Variants in CSNK2A2IP observed in about 807,000 individuals in gnomAD.
CSNK2A2IP encodes casein kinase 2 subunit alpha' interacting protein.
chr3:88,388,810 A>C, the CSNK2A2IP span, among the ~76,000 whole-genome samples: 11 of 152,176 alleles, frequency 7.2e-5, no homozygotes. Context: ...CTGTTTAGCC[A>C]CAATGAGGTC....
chr3:88,438,572 C>T, the CSNK2A2IP span, among the ~76,000 whole-genome samples: 93 of 152,238 alleles, frequency 6.1e-4, no homozygotes, highest in Non-Finnish European at 9.7e-4. Context: ...AGGGGTTCTG[C>T]CTTATACCTA....
chr3:88,339,821 G>A, the CSNK2A2IP span, among the ~76,000 whole-genome samples: 1 of 152,170 alleles, frequency 6.6e-6, no homozygotes, highest in South Asian at 2.1e-4. Context: ...CAGCAATTAT[G>A]GGGGTGAGAA....
At chr3:88,415,377 G>A in the CSNK2A2IP span, among the ~76,000 whole-genome samples, 1 of 152,040 alleles carries the variant, frequency 6.6e-6, no homozygotes, top group Non-Finnish European at 1.5e-5. Context: ...TTCAGAAGAA[G>A]CAATCTGCAG....
At chr3:88,346,481 T>G in the CSNK2A2IP span, among the ~76,000 whole-genome samples, 1 of 151,944 alleles carries the variant, frequency 6.6e-6, no homozygotes, top group African/African-American at 2.4e-5. Context: ...GCTGGTGACC[T>G]TCGGTGGAGC....
chr3:88,436,427 A>G, the CSNK2A2IP span, among the ~76,000 whole-genome samples: 2 of 152,082 alleles, frequency 1.3e-5, no homozygotes, highest in African/African-American at 2.4e-5. Flanking sequence ...TTTTTTTTGT[A>G]AGAAATGTCT....
chr3:88,340,380 A>T, the CSNK2A2IP span, among the ~76,000 whole-genome samples: 2 of 152,038 alleles, frequency 1.3e-5, no homozygotes, highest in Non-Finnish European at 2.9e-5. Flanking sequence ...AATTGCCTGT[A>T]GTTTATGTAC....
At chr3:88,373,603 T>TAA in the CSNK2A2IP span, among the ~76,000 whole-genome samples, 1 of 143,696 alleles carries the variant, frequency 7.0e-6, no homozygotes, top group African/African-American at 2.6e-5. Flanking sequence ...GTAATGAAAG[T>TAA]AAAAAAAAAA....
chr3:88,389,574 T>C, the CSNK2A2IP span, among the ~76,000 whole-genome samples: 1 of 152,158 alleles, frequency 6.6e-6, no homozygotes, highest in Non-Finnish European at 1.5e-5. Flanking sequence ...TCTGACATAG[T>C]TTTAAAAAAG....
the CSNK2A2IP span, among the ~76,000 whole-genome samples, chr3:88,426,495 T>C: frequency 3.9e-5 from 6 of 152,334 alleles, no homozygotes; most frequent in African/African-American, 1.4e-4. Flanking sequence ...AGCCCTGTTA[T>C]GGTTTGGCTC....
chr3:88,362,626 C>G, the CSNK2A2IP span, among the ~76,000 whole-genome samples: 1 of 152,198 alleles, frequency 6.6e-6, no homozygotes, highest in Non-Finnish European at 1.5e-5. Flanking sequence ...TACTGCCTGG[C>G]TGCTCCTGAT....
At chr3:88,465,225 T>C in the CSNK2A2IP span, 1 of 463,172 alleles carries the variant, frequency 2.2e-6, no homozygotes, top group Non-Finnish European at 3.5e-6. Context: ...TTAACAGAAA[T>C]ATTGCAAGAT....
chr3:88,413,540 T>C, the CSNK2A2IP span, among the ~76,000 whole-genome samples: 2 of 151,982 alleles, frequency 1.3e-5, no homozygotes, highest in South Asian at 2.1e-4. Flanking sequence ...TGCTGAAGTA[T>C]TTAGGAGTGA....
the CSNK2A2IP span, among the ~76,000 whole-genome samples, chr3:88,454,897 C>A: frequency 2.6e-5 from 4 of 151,856 alleles, no homozygotes; most frequent in Non-Finnish European, 5.9e-5. Flanking sequence ...TTTCCCTTAT[C>A]CCTTAGTCCT....
At chr3:88,451,789 C>A in the CSNK2A2IP span, among the ~76,000 whole-genome samples, 1 of 149,852 alleles carries the variant, frequency 6.7e-6, no homozygotes, top group Non-Finnish European at 1.5e-5. Context: ...TTCTTAATTT[C>A]CAGAACACTT....
chr3:88,445,528 T>C, the CSNK2A2IP span, among the ~76,000 whole-genome samples: 3 of 152,294 alleles, frequency 2.0e-5, no homozygotes, highest in African/African-American at 2.4e-5. Context: ...CATTTGCAGA[T>C]TGATTTAATG....
chr3:88,457,179 A>C, the CSNK2A2IP span, among the ~76,000 whole-genome samples: 1 of 152,134 alleles, frequency 6.6e-6, no homozygotes, highest in African/African-American at 2.4e-5. Flanking sequence ...ATCTGTGAAT[A>C]TTCTGTTTCC....
At chr3:88,378,173 T>C in the CSNK2A2IP span, among the ~76,000 whole-genome samples, 27 of 151,986 alleles carry the variant, frequency 1.8e-4, no homozygotes, top group African/African-American at 5.8e-4. Context: ...CATATGTAAC[T>C]TTCCCCCACT....
At chr3:88,466,452 A>T in the CSNK2A2IP span, 1 of 1,231,958 alleles carries the variant, frequency 8.1e-7, no homozygotes, top group Non-Finnish European at 1.0e-6. Flanking sequence ...CCCATCCAAA[A>T]ACAAACATCT....
chr3:88,378,666 A>G, the CSNK2A2IP span, among the ~76,000 whole-genome samples: 1 of 152,026 alleles, frequency 6.6e-6, no homozygotes, highest in Non-Finnish European at 1.5e-5. Flanking sequence ...GGTATTGCTG[A>G]ATGACCAACT....
Sources: gnomAD v4.1 joint callset for allele counts (sites outside exome capture counted in the v4.1 genomes callset) on GRCh38, gnomAD v4.1.1 for gene constraint, MANE v1.5 for transcripts, NCBI Gene and HGNC (gene_info 2026-07-23, HGNC 2026-07-21) for gene names.